The following NTRK1 variants were observed in gnomAD, a reference collection of about 807,000 sequenced individuals.
NTRK1 encodes the protein neurotrophic receptor tyrosine kinase 1, also known as high affinity nerve growth factor receptor.
NTRK1 carries 62 observed loss-of-function variants against 86.8 expected under a neutral mutation model. That is an observed-to-expected ratio of 0.71 (90% CI 0.58 to 0.88). NTRK1 has a LOEUF of 0.88. Among genes scored for constraint, NTRK1 ranks in the 40% least tolerant of loss-of-function variants. The pLI, the probability that NTRK1 is intolerant of heterozygous loss-of-function variation, is 0.00. For synonymous variants in NTRK1, 469 were observed against 456.6 expected (o/e 1.03, Z -0.35); for missense variants, 967 against 1,078.4 (o/e 0.90, Z 1.45).
At chr1:156,851,846 C>T in intron 2 of NTRK1, 1 of 1,576,688 alleles carries the variant, frequency 6.3e-7, no homozygotes. Context: ...CCTCAGGCCT[C>T]CTCACTGCTC....
intron 2 of NTRK1, chr1:156,846,398 GC>G (rs1437269966): frequency 2.4e-6 from 2 of 841,588 alleles, no homozygotes; most frequent in Non-Finnish European, 3.7e-6. Flanking sequence ...CAAGCATCTG[GC>G]CTTCCAGCCT....
chr1:156,822,904 C>T (rs1258492538), intron 1 of NTRK1, among the ~76,000 whole-genome samples: 1 of 152,184 alleles, frequency 6.6e-6, no homozygotes, highest in Non-Finnish European at 1.5e-5. Flanking sequence ...CATTCTCCTC[C>T]CTGACTCATG....
chr1:156,849,513 G>GGGGGGTGGGGGGGGGC, intron 2 of NTRK1: 1 of 486,122 alleles, frequency 2.1e-6, no homozygotes, highest in Admixed American at 2.2e-5. Context: ...CAGGGGGTGG[G>GGGGGGTGGGGGGGGGC]AAAGGGGATG....
At chr1:156,871,588 C>T (rs2102899838) in intron 6 of NTRK1, 35 bp from the exon 7 acceptor site, 1 of 1,613,562 alleles carries the variant, frequency 6.2e-7, no homozygotes, top group Non-Finnish European at 8.5e-7. Context: ...CTGGCTAAAG[C>T]TCCTTCTTAT....
intron 14 of NTRK1, 140 bp from the exon 15 acceptor site, chr1:156,878,982 G>A: frequency 1.0e-6 from 1 of 968,396 alleles, no homozygotes; most frequent in Admixed American, 2.5e-5. Flanking sequence ...CTGGACAGCT[G>A]CCTCTACTGT....
chr1:156,853,061 C>T (rs930240049), intron 2 of NTRK1, among the ~76,000 whole-genome samples: 1 of 152,114 alleles, frequency 6.6e-6, no homozygotes. Context: ...CATCCCTTTT[C>T]TTTCCTCCTT....
chr1:156,860,402 G>A (rs2102877875), upstream of NTRK1, among the ~76,000 whole-genome samples: 1 of 152,292 alleles, frequency 6.6e-6, no homozygotes, highest in East Asian at 1.9e-4. Flanking sequence ...AGTCCTTTTC[G>A]TTTTCTTCCT....
rs1571685698 is a variant in NTRK1 at position 156,864,784 on chromosome 1, C to A, written c.344C>A (p.Pro115His). ...GCGCCAGATGCCTTCCATTTCACTC[C>A]TCGGCTCAGTCGCCTGTGAGTGTGG... ...FVAPDAFHFT[P>H]RLSRLNLSFN... is the part of the protein sequence containing the mutation. The change falls in exon 3 of 17, where the codon CCT becomes CAT. Residue 115 changes from proline (P) to histidine (H), a missense_variant. Pro to His is a moderately conservative substitution (Grantham distance 77, BLOSUM62 -2). Transcript: ENST00000524377. 1 of 1,613,852 alleles carries A rather than the reference C, an allele frequency of 6.2e-7. No homozygotes were observed. Among genetic ancestry groups the A allele is most frequent in the African/African-American group, 1.3e-5 (1 of 74,902 alleles).
At chr1:156,841,538 T>C in intron 1 of NTRK1, 1 of 1,613,940 alleles carries the variant, frequency 6.2e-7, no homozygotes, top group Non-Finnish European at 8.5e-7. Context: ...CCTGGGGGCA[T>C]GCAGGAGCTC....
Position 156,876,194 on chromosome 1 carries a change from T to G in NTRK1, c.1616T>G (p.Met539Arg). Residue 539 changes from methionine (M) to arginine (R), a missense_variant, in exon 13 of 17, where the codon ATG becomes AGG. By Grantham distance (91) the Met-to-Arg change is moderately conservative. Around this residue, in one of 2 missense-constraint regions of NTRK1, gnomAD observed 637 missense variants for 776.5 expected, o/e 0.82. Coordinates refer to ENST00000524377, the MANE Select transcript of NTRK1 (RefSeq NM_002529.4). ...AACCTCCTGCCTGAGCAGGACAAGATGCTGGTGGCTGTCAAGGTGAGACCC... is the reference window on the plus strand; with the variant it reads ...AACCTCCTGCCTGAGCAGGACAAGAGGCTGGTGGCTGTCAAGGTGAGACCC... The part of the protein sequence containing the change: ...CHNLLPEQDK[M>R]LVAVKALKEA... The G allele has an allele frequency of 1.2e-6, 2 of 1,614,044 alleles. No individual in the cohort carries two copies. Among genetic ancestry groups the G allele is most frequent in the Non-Finnish European group, 1.7e-6 (2 of 1,180,002 alleles).
intron 2 of NTRK1, among the ~76,000 whole-genome samples, chr1:156,855,636 A>AAC (rs1465567188): frequency 6.6e-6 from 1 of 152,140 alleles, no homozygotes; most frequent in Admixed American, 6.5e-5. Context: ...CAGCCTGGGC[A>AAC]ACATGGCAAA....
intron 8 of NTRK1, 74 bp downstream of exon 8, chr1:156,874,033 C>A (rs2102906938): frequency 6.9e-7 from 1 of 1,450,270 alleles, no homozygotes; most frequent in Non-Finnish European, 9.4e-7. Flanking sequence ...CTGCTATAGC[C>A]CTGACCCCAG....
chr1:156,873,829 C>T lies in NTRK1; in HGVS notation c.1047C>T (p.Asn349=), dbSNP rs370518146. Residue 349 remains asparagine, a synonymous_variant, in exon 8 of 17, where the codon AAC becomes AAT. Coordinates refer to ENST00000524377, the MANE Select transcript of NTRK1 (RefSeq NM_002529.4). ...ETVRHGCLRL[N]QPTHVNNGNY... ...TGCGGCACGGGTGTCTGCGCCTCAA[C>T]CAGCCCACCCACGTCAACAACGGCA... 1 of 1,611,786 alleles carries T rather than the reference C, an allele frequency of 6.2e-7. No individual in the cohort carries two copies. The highest frequency in any genetic ancestry group is 8.5e-7 in the Non-Finnish European group (1 of 1,179,002).
Position 156,881,833 on chromosome 1 carries a change from T to G in NTRK1, c.*191T>G. Reference sequence around the variant, plus strand: ...CTAGGCAAGGTCCCGTCATAGCAATTATATTTATTATCCCTTGGCTGTGTC... The same window carrying G: ...CTAGGCAAGGTCCCGTCATAGCAATGATATTTATTATCCCTTGGCTGTGTC... On this transcript the variant is annotated 3_prime_UTR_variant, in exon 17 of 17. Coordinates refer to ENST00000524377, the MANE Select transcript of NTRK1 (RefSeq NM_002529.4). The G allele has an allele frequency of 5.2e-6, 3 of 582,390 alleles. No individual in the cohort carries two copies. Among genetic ancestry groups the G allele is most frequent in the East Asian group, 6.2e-5 (2 of 32,392 alleles). 36.1% of individuals were successfully genotyped at this position (582,390 alleles called of 1,614,324 possible). A position where few individuals can be genotyped will look rare whatever the true frequency, so the allele number is the denominator to read the frequency against.
rs2102919715 is a variant in NTRK1 at position 156,876,511 on chromosome 1, G to C, written c.1744G>C (p.Gly582Arg). The change falls in exon 14 of 17, where the codon GGC (glycine) becomes CGC (arginine). Residue 582 changes from glycine to arginine, a missense_variant. Transcript: ENST00000524377. ...IVRFFGVCTE[G>R]RPLLMVFEYM... ...GCGCTTCTTCGGCGTCTGCACCGAG[G>C]GCCGCCCCCTGCTCATGGTCTTTGA... The C allele has an allele frequency of 6.2e-7, 1 of 1,613,654 alleles. No homozygotes were observed.
chr1:156,880,723 G>A (rs1357406390), intron 16 of NTRK1, among the ~76,000 whole-genome samples: 1 of 152,216 alleles, frequency 6.6e-6, no homozygotes, highest in Admixed American at 6.5e-5. Context: ...TGGGGTGGGG[G>A]AGAGGGTTAT....
intron 2 of NTRK1, chr1:156,846,088 C>T (rs761108622): frequency 6.2e-7 from 1 of 1,608,670 alleles, no homozygotes; most frequent in South Asian, 1.1e-5. Context: ...AGGAGTTGGA[C>T]GTGGAGATGA....
intron 1 of NTRK1, among the ~76,000 whole-genome samples, chr1:156,822,005 T>C (rs941022603): frequency 1.3e-5 from 2 of 152,124 alleles, no homozygotes; most frequent in African/African-American, 4.8e-5. Flanking sequence ...GTGAAGACCA[T>C]GCATTCCTAG....
intron 2 of NTRK1, chr1:156,851,718 T>G (rs1330940064): frequency 6.2e-7 from 1 of 1,614,074 alleles, no homozygotes; most frequent in African/African-American, 1.3e-5. Context: ...GCCGCCTGGA[T>G]GGAGTCGATG....
Sources: allele counts gnomAD v4.1 joint callset (sites outside exome capture counted in the v4.1 genomes callset), GRCh38; gene constraint gnomAD v4.1.1; regional missense constraint gnomAD v4.1.1; transcripts MANE v1.5; gene names NCBI Gene and HGNC (gene_info 2026-07-23, HGNC 2026-07-21).